EHBP1: variants seen among roughly 807,000 people sequenced by gnomAD.
EHBP1 encodes EH domain-binding protein 1.
EHBP1 carries 55 observed loss-of-function variants against 144.0 expected under a neutral mutation model. That is an observed-to-expected ratio of 0.38 (90% CI 0.31 to 0.48). The LOEUF (loss-of-function observed/expected upper bound fraction) is 0.48, where lower values mean the gene tolerates loss of function less well. EHBP1 is among the 20% of genes least tolerant of loss of function. EHBP1 has a pLI of 0.98. For missense variants in EHBP1, 1,200 were observed against 1,364.2 expected (o/e 0.88, Z 1.90); for synonymous variants, 469 against 472.7 (o/e 0.99, Z 0.10).
At chr2:62,749,422 T>C (rs1426156924) in intron 3 of EHBP1, among the ~76,000 whole-genome samples, 1 of 152,232 alleles carries the variant, frequency 6.6e-6, no homozygotes, top group Non-Finnish European at 1.5e-5. Flanking sequence ...TCTTTGCTAT[T>C]GTGAATAGTG....
intron 5 of EHBP1, among the ~76,000 whole-genome samples, chr2:62,787,394 G>GCCCCCCCCCCCCCCCCCCCC (rs72201800): frequency 8.5e-5 from 6 of 70,488 alleles, no homozygotes; most frequent in Non-Finnish European, 1.1e-4. Context: ...CTGCACCGCT[G>GCCCCCCCCCCCCCCCCCCCC]CCCCCCCCCC....
intron 3 of EHBP1, among the ~76,000 whole-genome samples, chr2:62,753,797 C>G (rs954695661): frequency 3.3e-5 from 5 of 152,208 alleles, no homozygotes; most frequent in Admixed American, 2.0e-4. Context: ...GCTACTGAAG[C>G]TTGTGCATTT....
chr2:62,951,667 G>A (rs2057400489), intron 13 of EHBP1, among the ~76,000 whole-genome samples: 1 of 151,630 alleles, frequency 6.6e-6, no homozygotes, highest in African/African-American at 2.4e-5. Flanking sequence ...TGAGACTACA[G>A]GTGTGTACCA....
At chr2:62,929,561 TAAAAG>T (rs1279192714) in intron 10 of EHBP1, among the ~76,000 whole-genome samples, 1 of 151,956 alleles carries the variant, frequency 6.6e-6, no homozygotes, top group African/African-American at 2.4e-5. Context: ...TACTAGGAAT[TAAAAG>T]AAATTACCTA....
chr2:62,958,341 A>G (rs1374109991), intron 14 of EHBP1, among the ~76,000 whole-genome samples: 1 of 152,236 alleles, frequency 6.6e-6, no homozygotes, highest in Non-Finnish European at 1.5e-5. Flanking sequence ...AAATGAATAA[A>G]CACATCCTGA....
At chr2:62,676,943 G>A (rs2033319128) in intron 1 of EHBP1, among the ~76,000 whole-genome samples, 1 of 152,176 alleles carries the variant, frequency 6.6e-6, no homozygotes, top group Admixed American at 6.5e-5. Flanking sequence ...GGAGGCCAAG[G>A]CAGGAGCCCA....
intron 14 of EHBP1, among the ~76,000 whole-genome samples, chr2:62,972,263 G>A (rs1429872331): frequency 3.9e-5 from 6 of 152,222 alleles, no homozygotes; most frequent in East Asian, 1.9e-4. Flanking sequence ...TATTATGAAC[G>A]TATTTGAGCA....
intron 8 of EHBP1, among the ~76,000 whole-genome samples, chr2:62,863,670 A>G (rs2049786603): frequency 6.6e-6 from 1 of 152,066 alleles, no homozygotes; most frequent in Non-Finnish European, 1.5e-5. Context: ...GAAAACTTTG[A>G]GAAAACAAGT....
rs200108583 is a variant in EHBP1 at position 62,920,599 on chromosome 2, TAA to T, written c.1186-22117_1186-22116del. On this transcript the variant is annotated intron_variant, in intron 10 of 22. Transcript: ENST00000431489. ...AGCTGGTGTTATTGTAACAATGGTG[TAA>T]ACATAATTTAAGAGATGAATGCATT... 9.9e-4 allele frequency among the ~76,000 whole-genome samples: 151 copies of T among 152,308 alleles called. No homozygotes were observed. In the East Asian group the frequency reaches 0.014, roughly 14 times the overall value.
intron 10 of EHBP1, among the ~76,000 whole-genome samples, chr2:62,886,508 T>G (rs572783597): frequency 5.1e-4 from 76 of 148,528 alleles, no homozygotes; most frequent in African/African-American, 1.7e-3. Context: ...GTTCTATTGG[T>G]TAGTATTTTT....
At chr2:62,798,375 AAAAG>A (rs1009417510) in intron 5 of EHBP1, among the ~76,000 whole-genome samples, 18 of 152,210 alleles carry the variant, frequency 1.2e-4, no homozygotes, top group Middle Eastern at 3.4e-3. Flanking sequence ...CAAAAAAAAA[AAAAG>A]AAAGAAATAT....
At chr2:62,680,253 T>C (rs1489099851) in intron 1 of EHBP1, among the ~76,000 whole-genome samples, 1 of 152,182 alleles carries the variant, frequency 6.6e-6, no homozygotes, top group African/African-American at 2.4e-5. Flanking sequence ...TCCTCCCCTC[T>C]CATTTTCAGT....
intron 19 of EHBP1, among the ~76,000 whole-genome samples, chr2:63,020,522 A>G (rs2060696690): frequency 6.6e-6 from 1 of 151,548 alleles, no homozygotes; most frequent in Admixed American, 6.6e-5. Flanking sequence ...AAAGAAAGAA[A>G]AAAGAAAGAA....
intron 14 of EHBP1, among the ~76,000 whole-genome samples, chr2:62,967,470 G>A (rs1558996460): frequency 1.3e-5 from 2 of 152,134 alleles, no homozygotes; most frequent in Admixed American, 1.3e-4. Context: ...AAAAGGCTAG[G>A]TATAGATCCT....
At position 63,045,291 on chromosome 2, in the gene EHBP1, G is replaced by T. The variant is rs2061909314; in HGVS notation, c.3392+111G>T. 2.2e-6 allele frequency: 3 copies of T among 1,363,122 alleles called. No individual in the cohort carries two copies. The highest frequency in any genetic ancestry group is 3.1e-6 in the Non-Finnish European group (3 of 975,044). The allele number at this position is 1,363,122 out of a possible 1,614,324, so 84.4% of individuals were successfully genotyped here. A position where few individuals can be genotyped will look rare whatever the true frequency, so the allele number is the denominator to read the frequency against. On this transcript the variant is annotated intron_variant, in intron 22 of 22. Transcript: ENST00000431489. The surrounding 1 kb of genome is among the most constrained non-coding windows in gnomAD (Gnocchi z 5.7). ...GGAGGGCCGGGGCAGCCTCCCACTGGCCTGGTGCTCCCCATTCCCGCTGGG... is the reference window on the plus strand; with the variant it reads ...GGAGGGCCGGGGCAGCCTCCCACTGTCCTGGTGCTCCCCATTCCCGCTGGG...
intron 16 of EHBP1, among the ~76,000 whole-genome samples, chr2:62,993,234 A>T (rs1339024086): frequency 2.0e-5 from 3 of 152,118 alleles, no homozygotes; most frequent in African/African-American, 7.2e-5. Flanking sequence ...GGCTGTACAA[A>T]CTGATGACAC....
At chr2:62,697,084 G>A (rs1407484006) in intron 1 of EHBP1, among the ~76,000 whole-genome samples, 1 of 152,134 alleles carries the variant, frequency 6.6e-6, no homozygotes, top group East Asian at 1.9e-4. Context: ...GAGCTCAAGG[G>A]AATATGTTAA....
intron 14 of EHBP1, among the ~76,000 whole-genome samples, chr2:62,962,432 A>G (rs1413564684): frequency 6.6e-6 from 1 of 152,250 alleles, no homozygotes; most frequent in African/African-American, 2.4e-5. Flanking sequence ...TAATAAGCCC[A>G]CCATTACATT....
chr2:62,877,804 C>A (rs1400102999), intron 10 of EHBP1, among the ~76,000 whole-genome samples: 2 of 152,132 alleles, frequency 1.3e-5, no homozygotes, highest in Non-Finnish European at 2.9e-5. Flanking sequence ...ATACAACATA[C>A]CAGAATCTCT....
Sources: allele counts gnomAD v4.1 joint callset (sites outside exome capture counted in the v4.1 genomes callset), GRCh38; gene constraint gnomAD v4.1.1; non-coding constraint Gnocchi (gnomAD v3.1); transcripts MANE v1.5; gene names NCBI Gene and HGNC (gene_info 2026-07-23, HGNC 2026-07-21).